Variants in UHRF2 observed in about 807,000 individuals in gnomAD.
The protein encoded by UHRF2 is E3 ubiquitin-protein ligase UHRF2.
In UHRF2, 23 loss-of-function variants were observed where a neutral mutation model predicts 96.8. That is an observed-to-expected ratio of 0.24 (90% CI 0.17 to 0.34). UHRF2 has a LOEUF of 0.34. Among genes scored for constraint, UHRF2 ranks in the 10% least tolerant of loss-of-function variants. UHRF2 has a pLI of 1.00. For missense variants in UHRF2, 685 were observed against 981.5 expected (o/e 0.70, Z 4.04); for synonymous variants, 385 against 332.6 (o/e 1.16, Z -1.72).
At chr9:6,433,092 T>G (rs374852112) in intron 2 of UHRF2, among the ~76,000 whole-genome samples, 71 of 152,294 alleles carry the variant, frequency 4.7e-4, no homozygotes, top group African/African-American at 1.6e-3. Context: ...GCCTTGGCCT[T>G]CCAAAGAGCT....
At chr9:6,459,181 C>G (rs978945056) in intron 3 of UHRF2, among the ~76,000 whole-genome samples, 20 of 152,092 alleles carry the variant, frequency 1.3e-4, no homozygotes, top group African/African-American at 4.8e-4. Flanking sequence ...CAAACCTGCA[C>G]TTTCTGCACA....
intron 8 of UHRF2, among the ~76,000 whole-genome samples, chr9:6,483,675 C>G (rs889636998): frequency 6.6e-6 from 1 of 152,056 alleles, no homozygotes; most frequent in South Asian, 2.1e-4. Flanking sequence ...TAAAAACGCG[C>G]CCTACTTTTA....
intron 2 of UHRF2, among the ~76,000 whole-genome samples, chr9:6,422,431 G>A (rs1490720205): frequency 6.6e-6 from 1 of 151,818 alleles, no homozygotes; most frequent in Non-Finnish European, 1.5e-5. Context: ...TCCTCTTTCA[G>A]GGTCTCTTGG....
At chr9:6,479,171 A>G (rs776897448) in intron 6 of UHRF2, among the ~76,000 whole-genome samples, 7 of 152,112 alleles carry the variant, frequency 4.6e-5, no homozygotes, top group Non-Finnish European at 8.8e-5. Context: ...CTTTCATGCA[A>G]AGATTCTCAA....
At chr9:6,497,990 A>C in intron 11 of UHRF2, 28 bp from the exon 12 acceptor site, 2 of 1,608,290 alleles carry the variant, frequency 1.2e-6, no homozygotes, top group South Asian at 2.2e-5. Flanking sequence ...TTTAAATCTC[A>C]AACTGGCACT....
chr9:6,442,960 A>G (rs1348604204), intron 3 of UHRF2, among the ~76,000 whole-genome samples: 1 of 152,090 alleles, frequency 6.6e-6, no homozygotes, highest in African/African-American at 2.4e-5. Context: ...CTTGTTAGTG[A>G]CTTGCTTTTC....
chr9:6,504,353 A>G, intron 14 of UHRF2: 2 of 303,944 alleles, frequency 6.6e-6, no homozygotes, highest in South Asian at 8.7e-5. Flanking sequence ...AATGTGACTG[A>G]AACATTTTTA....
At chr9:6,429,060 G>T (rs140825731) in intron 2 of UHRF2, among the ~76,000 whole-genome samples, 1,736 of 152,176 alleles carry the variant, frequency 0.011, 17 homozygotes, top group Non-Finnish European at 0.018. Context: ...AGCTACTCAG[G>T]AGGCTGAAGC....
chr9:6,494,322 C>G (rs943630852), intron 10 of UHRF2: 1 of 174,872 alleles, frequency 5.7e-6, no homozygotes, highest in Admixed American at 6.0e-5. Flanking sequence ...GTTTGGGAGC[C>G]ACATTTATGT....
rs1359109379 is a variant in UHRF2 at position 6,475,504 on chromosome 9, T to C, written c.973+4T>C. ...TTTGCAGATGGAAAGTTTTTAAGTA[T>C]GGATTTTTGTTTTTGGTCTTAGACT... On this transcript the variant is annotated splice_donor_region_variant and intron_variant, in intron 5 of 15. Transcript: ENST00000276893. The C allele has an allele frequency of 6.4e-7, 1 of 1,573,906 alleles. No homozygotes were observed. Among genetic ancestry groups the C allele is most frequent in the Admixed American group, 1.8e-5 (1 of 55,328 alleles).
At position 6,486,396 on chromosome 9, in the gene UHRF2, A is replaced by G. The variant is rs1824291948; in HGVS notation, c.1393-425A>G. ...AGAATGGGGCTAAAATAACTCCTGC[A>G]TTTTTGACTTCACAAACTAGGTAGG... On this transcript the variant is annotated intron_variant, in intron 8 of 15. Transcript: ENST00000276893. 3.3e-5 allele frequency among the ~76,000 whole-genome samples: 5 copies of G among 152,326 alleles called. No individual in the cohort carries two copies. In the South Asian group the frequency reaches 8.3e-4, roughly 25 times the overall value.
chr9:6,490,906 C>G (rs768016664), intron 9 of UHRF2, among the ~76,000 whole-genome samples: 2 of 152,022 alleles, frequency 1.3e-5, no homozygotes, highest in Non-Finnish European at 2.9e-5. Context: ...GCAAGTATAT[C>G]TATAGGATTA....
intron 4 of UHRF2, chr9:6,468,740 A>G (rs1406176579): frequency 2.2e-6 from 1 of 453,666 alleles, no homozygotes; most frequent in Non-Finnish European, 4.4e-6. Flanking sequence ...CTTAGAAGGC[A>G]TACACTGGAT....
intron 10 of UHRF2, chr9:6,496,783 C>T (rs1825000442): frequency 6.5e-6 from 1 of 154,132 alleles, no homozygotes; most frequent in South Asian, 2.0e-4. Flanking sequence ...TTCTGGATTT[C>T]TTTCTACATT....
At chr9:6,445,966 T>TTC (rs144889864) in intron 3 of UHRF2, among the ~76,000 whole-genome samples, 3 of 112,660 alleles carry the variant, frequency 2.7e-5, no homozygotes, top group Admixed American at 1.0e-4. Context: ...TAAATACTCT[T>TTC]CCCCCCCCGC....
At chr9:6,424,054 C>T (rs887377180) in intron 2 of UHRF2, among the ~76,000 whole-genome samples, 1 of 152,130 alleles carries the variant, frequency 6.6e-6, no homozygotes. Context: ...ACGAGCTAGA[C>T]AAGGAAGCCA....
At chr9:6,423,130 G>T (rs569506730) in intron 2 of UHRF2, among the ~76,000 whole-genome samples, 1 of 152,248 alleles carries the variant, frequency 6.6e-6, no homozygotes, top group South Asian at 2.1e-4. Flanking sequence ...TTCAAATGGA[G>T]ATAATTTTAG....
In UHRF2 at chr9:6,507,007, C is replaced by G. The variant is rs1383888063; in HGVS notation, c.*828C>G. The stretch of plus-strand genomic sequence containing the variant: ...ATTGTGATCCTAAATTTTATATTCA[C>G]TATATTCCCTAAAGTATACCTTAAT... On this transcript the variant is annotated 3_prime_UTR_variant, in exon 16 of 16. Transcript: ENST00000276893. 2 of 152,420 alleles carry G rather than the reference C, an allele frequency of 1.3e-5. No individual in the cohort carries two copies. Among genetic ancestry groups the G allele is most frequent in the African/African-American group, 2.4e-5 (1 of 41,418 alleles). 9.4% of individuals were successfully genotyped at this position (152,420 alleles called of 1,614,324 possible).
chr9:6,444,013 C>T (rs1423839294), intron 3 of UHRF2, among the ~76,000 whole-genome samples: 1 of 152,072 alleles, frequency 6.6e-6, no homozygotes, highest in Non-Finnish European at 1.5e-5. Context: ...AAAGTTTTTC[C>T]AAAAAGTAAC....
Sources: gnomAD v4.1 joint callset for allele counts (sites outside exome capture counted in the v4.1 genomes callset) on GRCh38, gnomAD v4.1.1 for gene constraint, MANE v1.5 for transcripts, NCBI Gene and HGNC (gene_info 2026-07-23, HGNC 2026-07-21) for gene names.